The following ATP10A variants were observed in gnomAD, a reference collection of about 807,000 sequenced individuals.
The protein encoded by ATP10A is phospholipid-transporting ATPase VA.
ATP10A carries 111 observed loss-of-function variants against 147.8 expected under a neutral mutation model. The ratio of observed to expected loss-of-function variants is 0.75; its 90% CI spans 0.64 to 0.88. ATP10A has a LOEUF of 0.88. Ranked by LOEUF, ATP10A falls within the 40% of genes least tolerant of loss-of-function variation. The pLI is 0.00. For missense variants in ATP10A, 1,927 were observed against 1,959.0 expected, an observed-to-expected ratio of 0.98 and a Z score of 0.31; for synonymous variants, 875 against 841.6, an observed-to-expected ratio of 1.04 and a Z score of -0.69.
At position 25,721,692 on chromosome 15, in the gene ATP10A, G is replaced by A. The variant is rs370590274; in HGVS notation, c.1328C>T (p.Thr443Ile). 24 of 1,614,024 alleles carry A rather than the reference G, an allele frequency of 1.5e-5. No homozygotes were observed. Among genetic ancestry groups the A allele is most frequent in the Non-Finnish European group, 1.9e-5 (22 of 1,180,028 alleles). The stretch of plus-strand genomic sequence containing the variant: ...ATGAGAATATTCTACACCAGACACA[G>A]TGCATCTTCGGAAAACCATCTTATT... ...TENKMVFRRC[T>I]VSGVEYSHDA... Residue 443 changes from threonine (T) to isoleucine (I), a missense_variant, in exon 7 of 21, where the codon ACT becomes ATT. Transcript: ENST00000555815.
intron 13 of ATP10A, among the ~76,000 whole-genome samples, chr15:25,699,248 G>A (rs993629458): frequency 2.6e-5 from 4 of 152,128 alleles, no homozygotes; most frequent in African/African-American, 9.7e-5. Context: ...TATTGGTGAA[G>A]GGATAGACAA....
intron 9 of ATP10A, among the ~76,000 whole-genome samples, chr15:25,715,172 A>G (rs1901716079): frequency 6.6e-6 from 1 of 152,256 alleles, no homozygotes; most frequent in Non-Finnish European, 1.5e-5. Flanking sequence ...CAGCCTCCAG[A>G]AAAATCAGGT....
At chr15:25,800,421 C>A (rs1438081977) in intron 1 of ATP10A, among the ~76,000 whole-genome samples, 1 of 152,116 alleles carries the variant, frequency 6.6e-6, no homozygotes, top group Admixed American at 6.5e-5. Flanking sequence ...CCAGGGGACA[C>A]AGCACAGATT....
chr15:25,789,565 A>AGTGTGTTT (rs1555470193), intron 1 of ATP10A, among the ~76,000 whole-genome samples: 1 of 141,332 alleles, frequency 7.1e-6, no homozygotes, highest in African/African-American at 2.6e-5. Context: ...CCAATAAAGA[A>AGTGTGTTT]GTGTGTGTGT....
chr15:25,779,551 T>C (rs1233028491), intron 2 of ATP10A, among the ~76,000 whole-genome samples: 2 of 131,756 alleles, frequency 1.5e-5, no homozygotes, highest in Non-Finnish European at 3.2e-5. Flanking sequence ...GCCCCTGACT[T>C]CCTGAAGAGA....
chr15:25,733,176 G>A (rs1307937541), intron 3 of ATP10A, among the ~76,000 whole-genome samples: 3 of 152,146 alleles, frequency 2.0e-5, no homozygotes, highest in Admixed American at 6.6e-5. Context: ...GGAGGTTACG[G>A]GGCAGCAGCT....
At chr15:25,762,172 G>T (rs1596835801) in intron 2 of ATP10A, among the ~76,000 whole-genome samples, 1 of 152,160 alleles carries the variant, frequency 6.6e-6, no homozygotes, top group Admixed American at 6.5e-5. Context: ...ACCATATAAA[G>T]AATGACATGT....
chr15:25,862,794 C>A lies in ATP10A; in HGVS notation c.303G>T (p.Pro101=), dbSNP rs778050331. Reference sequence around the variant, plus strand: ...GGCCGGGCTGGAAGGCGTTCACCGCCGGCACGAAGTTGAGCAGCGCGATGA... The same window carrying A: ...GGCCGGGCTGGAAGGCGTTCACCGCAGGCACGAAGTTGAGCAGCGCGATGA... ...FVFIALLNFV[P]AVNAFQPGLA... Residue 101 remains proline (P), a synonymous_variant, in exon 1 of 21, where the codon CCG becomes CCT. Coordinates refer to ENST00000555815, the MANE Select transcript of ATP10A (RefSeq NM_024490.4). 2.5e-6 allele frequency: 4 copies of A among 1,610,266 alleles called. No homozygotes were observed. Among genetic ancestry groups the A allele is most frequent in the Middle Eastern group, 1.7e-4 (1 of 6,058 alleles).
intron 2 of ATP10A, among the ~76,000 whole-genome samples, chr15:25,775,547 TTTATCTTTCTTCCTTA>T: frequency 6.6e-6 from 1 of 152,188 alleles, no homozygotes; most frequent in Admixed American, 6.5e-5. Flanking sequence ...CCATACTCCT[TTTATCTTTCTTCCTTA>T]TTTGGAACAC....
At chr15:25,771,363 A>G (rs2140665935) in intron 2 of ATP10A, among the ~76,000 whole-genome samples, 1 of 152,276 alleles carries the variant, frequency 6.6e-6, no homozygotes. Context: ...TGAGCCCAGG[A>G]GTTCAAGAGA....
chr15:25,797,206 G>A (rs1890712549), intron 1 of ATP10A, among the ~76,000 whole-genome samples: 1 of 152,194 alleles, frequency 6.6e-6, no homozygotes, highest in South Asian at 2.1e-4. Context: ...GCGTACGGGA[G>A]ATCATGCAGT....
rs1433908666 is a variant in ATP10A at position 25,863,223 on chromosome 15, G to A, written c.-127C>T. 3.3e-6 allele frequency: 2 copies of A among 601,026 alleles called. No homozygotes were observed. The highest frequency in any genetic ancestry group is 5.8e-5 in the Admixed American group (1 of 17,368). 37.2% of individuals were successfully genotyped at this position (601,026 alleles called of 1,614,324 possible). A position where few individuals can be genotyped will look rare whatever the true frequency, so the allele number is the denominator to read the frequency against. ...CCCGCCTGCGGGACGCACGGAGACC[G>A]CGGTCAGCGCGCCGCCTGGCCGGCC... On this transcript the variant is annotated 5_prime_UTR_variant, in exon 1 of 21. Coordinates refer to ENST00000555815, the MANE Select transcript of ATP10A (RefSeq NM_024490.4).
At chr15:25,854,430 TA>T (rs898470258) in intron 1 of ATP10A, among the ~76,000 whole-genome samples, 1 of 151,338 alleles carries the variant, frequency 6.6e-6, no homozygotes, top group African/African-American at 2.4e-5. Context: ...AGAGAAGGAA[TA>T]GGGGGAAAGA....
intron 1 of ATP10A, among the ~76,000 whole-genome samples, chr15:25,852,810 C>T (rs1284011565): frequency 6.6e-6 from 1 of 152,180 alleles, no homozygotes; most frequent in Non-Finnish European, 1.5e-5. Flanking sequence ...CCCCACTTCC[C>T]ATCTCCCTTT....
intron 5 of ATP10A, 56 bp from the exon 6 acceptor site, chr15:25,724,077 G>C (rs1902406065): frequency 1.4e-6 from 2 of 1,431,700 alleles, no homozygotes; most frequent in East Asian, 2.6e-5. Flanking sequence ...TAAGAATATT[G>C]CTAGCGTATA....
At chr15:25,684,484 G>C (rs987882541) in intron 16 of ATP10A, among the ~76,000 whole-genome samples, 9 of 152,210 alleles carry the variant, frequency 5.9e-5, no homozygotes, top group African/African-American at 2.2e-4. Flanking sequence ...AGCTATAGGT[G>C]ATCGCCTACG....
chr15:25,805,692 C>G (rs1278527386), intron 1 of ATP10A, among the ~76,000 whole-genome samples: 1 of 152,154 alleles, frequency 6.6e-6, no homozygotes, highest in Non-Finnish European at 1.5e-5. Context: ...ATGTGAAACA[C>G]AAAGGCTGTG....
chr15:25,742,132 C>T (rs1887611944), intron 2 of ATP10A, among the ~76,000 whole-genome samples: 1 of 147,496 alleles, frequency 6.8e-6, no homozygotes, highest in Admixed American at 6.9e-5. Context: ...GGACACTCCA[C>T]TGCACGTCAC....
chr15:25,830,636 G>A (rs192868583), intron 1 of ATP10A, among the ~76,000 whole-genome samples: 19 of 152,160 alleles, frequency 1.2e-4, no homozygotes, highest in Middle Eastern at 3.4e-3. Flanking sequence ...AGCCCAGTTC[G>A]CCACGGCCCC....
Sources: allele counts gnomAD v4.1 joint callset (sites outside exome capture counted in the v4.1 genomes callset), GRCh38; gene constraint gnomAD v4.1.1; transcripts MANE v1.5; gene names NCBI Gene and HGNC (gene_info 2026-07-23, HGNC 2026-07-21).